The following ZNF804B variants were observed in gnomAD, a reference collection of about 807,000 sequenced individuals.
ZNF804B encodes the protein zinc finger 804B.
In ZNF804B, 80 loss-of-function variants were observed where a neutral mutation model predicts 101.4. The ratio of observed to expected loss-of-function variants is 0.79; its 90% CI spans 0.66 to 0.95. The LOEUF is 0.95. ZNF804B is among the 40% of genes least tolerant of loss of function. ZNF804B has a pLI of 0.00. For synonymous variants in ZNF804B, 622 were observed against 558.8 expected (o/e 1.11, Z -1.59); for missense variants, 1,673 against 1,561.9 (o/e 1.07, Z -1.20).
intron 1 of ZNF804B, among the ~76,000 whole-genome samples, chr7:88,998,442 T>C (rs1023725516): frequency 6.6e-6 from 1 of 151,994 alleles, no homozygotes; most frequent in African/African-American, 2.4e-5. Flanking sequence ...GAAAGAAGAT[T>C]CCATGGATTG....
At chr7:89,069,596 C>CTATG (rs1298369351) in intron 1 of ZNF804B, among the ~76,000 whole-genome samples, 3 of 152,012 alleles carry the variant, frequency 2.0e-5, no homozygotes, top group African/African-American at 7.2e-5. Flanking sequence ...GAGTGTTATG[C>CTATG]TATGATATCT....
At chr7:89,040,745 T>G (rs970502686) in intron 1 of ZNF804B, among the ~76,000 whole-genome samples, 1 of 152,208 alleles carries the variant, frequency 6.6e-6, no homozygotes, top group African/African-American at 2.4e-5. Flanking sequence ...TCTTCTAGTC[T>G]TTGTAAACTG....
At chr7:88,836,304 A>C (rs955080212) in intron 1 of ZNF804B, among the ~76,000 whole-genome samples, 6 of 151,948 alleles carry the variant, frequency 3.9e-5, no homozygotes, top group African/African-American at 1.2e-4. Flanking sequence ...AATCACAATA[A>C]GTGACTAGGT....
intron 1 of ZNF804B, among the ~76,000 whole-genome samples, chr7:88,988,418 C>T (rs917133566): frequency 1.3e-5 from 2 of 152,172 alleles, no homozygotes. Flanking sequence ...CATATAATGA[C>T]ACTTGATCAG....
intron 1 of ZNF804B, among the ~76,000 whole-genome samples, chr7:88,950,688 C>A (rs560472440): frequency 4.0e-5 from 6 of 151,676 alleles, no homozygotes; most frequent in Non-Finnish European, 7.4e-5. Flanking sequence ...TATGCCTTTG[C>A]AGGTTTTAAG....
At chr7:89,308,037 A>G (rs1790592452) in intron 2 of ZNF804B, among the ~76,000 whole-genome samples, 2 of 152,132 alleles carry the variant, frequency 1.3e-5, no homozygotes, top group African/African-American at 4.8e-5. Context: ...CAAACACAGA[A>G]TAAAAGTATT....
chr7:88,777,003 G>T (rs529457903), intron 1 of ZNF804B, among the ~76,000 whole-genome samples: 9 of 152,176 alleles, frequency 5.9e-5, no homozygotes, highest in Admixed American at 1.3e-4. Flanking sequence ...AGTCACTATT[G>T]CCCCTAGAGC....
In ZNF804B at chr7:89,194,763, T is replaced by C. The variant is rs1479056215; in HGVS notation, c.109-23392T>C. On this transcript the variant is annotated intron_variant, in intron 1 of 3. Transcript: ENST00000333190. ...AGGTAGTGTGATGCCTCCAGCTTTG[T>C]TCTTTTGGCTTAGGATTGACTTGGC... Among the ~76,000 whole-genome samples, 26 of 151,314 alleles carry C rather than the reference T, an allele frequency of 1.7e-4. No individual in the cohort carries two copies. The South Asian group carries it at 5.5e-3, about 32-fold the overall frequency.
At chr7:88,812,070 C>G (rs902662186) in intron 1 of ZNF804B, among the ~76,000 whole-genome samples, 1 of 152,144 alleles carries the variant, frequency 6.6e-6, no homozygotes, top group Non-Finnish European at 1.5e-5. Context: ...GTTACAGTAG[C>G]CTCTACCAGA....
At chr7:88,945,969 T>C (rs1793122123) in intron 1 of ZNF804B, among the ~76,000 whole-genome samples, 1 of 152,164 alleles carries the variant, frequency 6.6e-6, no homozygotes, top group Non-Finnish European at 1.5e-5. Flanking sequence ...AAGTTGCTTA[T>C]CCACTTAAGG....
At position 88,899,643 on chromosome 7, in the gene ZNF804B, G is replaced by A. The variant is rs543542602; in HGVS notation, c.108+139559G>A. On this transcript the variant is annotated intron_variant, in intron 1 of 3. Transcript: ENST00000333190. ...GGATTATTTGCTTTTTTGTTTAAAA[G>A]CCCTTTTTTACTTCTCATTACTTCT... Among the ~76,000 whole-genome samples the A allele has an allele frequency of 7.9e-5, 12 of 152,042 alleles. No individual in the cohort carries two copies. The East Asian group carries it at 2.3e-3, about 29-fold the overall frequency.
intron 1 of ZNF804B, among the ~76,000 whole-genome samples, chr7:89,060,428 G>A (rs1031550655): frequency 3.3e-5 from 5 of 152,106 alleles, no homozygotes; most frequent in Non-Finnish European, 7.4e-5. Context: ...ATTATTATTG[G>A]TGCTATGAAA....
chr7:89,277,786 T>G (rs996592838), intron 2 of ZNF804B, among the ~76,000 whole-genome samples: 3 of 152,024 alleles, frequency 2.0e-5, no homozygotes, highest in Non-Finnish European at 4.4e-5. Flanking sequence ...TCTTTGCTAC[T>G]GTTAATAGTG....
chr7:88,967,540 A>G lies in ZNF804B; in HGVS notation c.108+207456A>G, dbSNP rs1028692846. Among the ~76,000 whole-genome samples, 9 of 151,674 alleles carry G rather than the reference A, an allele frequency of 5.9e-5. No individual in the cohort carries two copies. In the East Asian group the frequency reaches 1.8e-3, roughly 30 times the overall value. ...TTCATGTTAATGTCTCAGGTTGATG[A>G]AATAAGCAGAAATTTAAGAAAATGA... On this transcript the variant is annotated intron_variant, in intron 1 of 3. Transcript: ENST00000333190.
chr7:89,278,250 A>G (rs1170119930), intron 2 of ZNF804B, among the ~76,000 whole-genome samples: 3 of 151,508 alleles, frequency 2.0e-5, no homozygotes, highest in Admixed American at 6.6e-5. Flanking sequence ...CTGGATATTA[A>G]CCCTTTGTCA....
chr7:88,981,312 A>C (rs1449950745), intron 1 of ZNF804B, among the ~76,000 whole-genome samples: 1 of 152,004 alleles, frequency 6.6e-6, no homozygotes, highest in African/African-American at 2.4e-5. Flanking sequence ...TAGGCTCCAA[A>C]ATGGGGGCTT....
At chr7:89,331,872 A>C (rs900236913) in intron 3 of ZNF804B, among the ~76,000 whole-genome samples, 1 of 151,550 alleles carries the variant, frequency 6.6e-6, no homozygotes, top group African/African-American at 2.4e-5. Flanking sequence ...GGAAGCAATA[A>C]TCAGATAAAT....
At chr7:88,771,632 A>G (rs1562789310) in intron 1 of ZNF804B, among the ~76,000 whole-genome samples, 1 of 152,112 alleles carries the variant, frequency 6.6e-6, no homozygotes. Context: ...CTTACTAACC[A>G]CTTGAAACAA....
intron 1 of ZNF804B, among the ~76,000 whole-genome samples, chr7:88,983,732 A>G (rs1006150410): frequency 1.3e-5 from 2 of 152,088 alleles, no homozygotes; most frequent in African/African-American, 4.8e-5. Flanking sequence ...TAATTTTTAT[A>G]ATCTGAATAC....
Sources: allele counts gnomAD v4.1 joint callset (sites outside exome capture counted in the v4.1 genomes callset), GRCh38; gene constraint gnomAD v4.1.1; transcripts MANE v1.5; gene names NCBI Gene and HGNC (gene_info 2026-07-23, HGNC 2026-07-21).